GRAMD2B: variants seen among roughly 807,000 people sequenced by gnomAD.
GRAMD2B encodes GRAM domain-containing protein 2B.
In GRAMD2B, 41 loss-of-function variants were observed where a neutral mutation model predicts 59.2. The ratio of observed to expected loss-of-function variants is 0.69; its 90% CI spans 0.54 to 0.90. The LOEUF (loss-of-function observed/expected upper bound fraction) is 0.90, where lower values mean the gene tolerates loss of function less well. GRAMD2B is among the 40% of genes least tolerant of loss of function. GRAMD2B has a pLI of 0.00. For synonymous variants in GRAMD2B, 161 were observed against 182.7 expected, an observed-to-expected ratio of 0.88 and a Z score of 0.96; for missense variants, 424 against 500.5, an observed-to-expected ratio of 0.85 and a Z score of 1.46.
intron 1 of GRAMD2B, among the ~76,000 whole-genome samples, chr5:126,436,371 C>T (rs543365808): frequency 2.8e-4 from 43 of 152,206 alleles, no homozygotes; most frequent in Admixed American, 5.2e-4. Flanking sequence ...ACATTAGGCC[C>T]GGTGCGGTGA....
intron 8 of GRAMD2B, among the ~76,000 whole-genome samples, chr5:126,483,092 T>C (rs1772193175): frequency 6.6e-6 from 1 of 152,204 alleles, no homozygotes; most frequent in Non-Finnish European, 1.5e-5. Context: ...GAACTTGGAT[T>C]TAAAGCTTTC....
Position 126,409,717 on chromosome 5 carries a change from C to G in GRAMD2B, c.125+38150C>G, listed in dbSNP as rs373725383. Among the ~76,000 whole-genome samples, 203 of 152,178 alleles carry G rather than the reference C, an allele frequency of 1.3e-3. 5 individuals carry two copies. The East Asian group carries it at 0.037, about 28-fold the overall frequency. ...ACTAGATCCCATTTGTCAATTTTGGCTTTTGTTGCCATTGCTTTTGGTGTT... is the reference window on the plus strand; with the variant it reads ...ACTAGATCCCATTTGTCAATTTTGGGTTTTGTTGCCATTGCTTTTGGTGTT... On this transcript the variant is annotated intron_variant, in intron 1 of 8. Coordinates refer to the GRAMD2B transcript ENST00000506445.
intron 1 of GRAMD2B, among the ~76,000 whole-genome samples, chr5:126,453,860 G>A (rs1765799615): frequency 6.6e-6 from 1 of 152,154 alleles, no homozygotes; most frequent in South Asian, 2.1e-4. Context: ...TCATGAGGTA[G>A]GTTTTGAGAT....
At chr5:126,476,572 G>T (rs1393863127) in intron 5 of GRAMD2B, among the ~76,000 whole-genome samples, 1 of 152,168 alleles carries the variant, frequency 6.6e-6, no homozygotes, top group South Asian at 2.1e-4. Flanking sequence ...GTATTGAAAA[G>T]AACCCACATT....
In GRAMD2B at chr5:126,391,341, C is replaced by A. The variant is rs992034384; in HGVS notation, c.125+19774C>A. 4.5e-3 allele frequency among the ~76,000 whole-genome samples: 232 copies of A among 51,610 alleles called. 1 individual carries two copies. The highest frequency in any genetic ancestry group is 7.6e-3 in the Non-Finnish European group (157 of 20,712). 33.9% of individuals were successfully genotyped at this position (51,610 alleles called of 152,430 possible). A position where few individuals can be genotyped will look rare whatever the true frequency, so the allele number is the denominator to read the frequency against. On this transcript the variant is annotated intron_variant, in intron 1 of 8. Transcript: ENST00000506445. ...TCTCAAAAAAAAAAAAAAAAAAAAA[C>A]TTGTACACTGTTATTTGTCAGTTAT...
At chr5:126,386,881 G>T (rs183955855) in intron 1 of GRAMD2B, among the ~76,000 whole-genome samples, 1 of 152,264 alleles carries the variant, frequency 6.6e-6, no homozygotes, top group African/African-American at 2.4e-5. Flanking sequence ...TAGGTGAATT[G>T]TCACTGTAAA....
chr5:126,480,162 G>T, intron 6 of GRAMD2B: 1 of 303,128 alleles, frequency 3.3e-6, no homozygotes, highest in Non-Finnish European at 6.0e-6. Context: ...TTTCTTCTCT[G>T]GGCTTGTTTG....
intron 1 of GRAMD2B, among the ~76,000 whole-genome samples, chr5:126,364,319 A>C (rs1486526641): frequency 6.6e-6 from 1 of 152,198 alleles, no homozygotes; most frequent in Non-Finnish European, 1.5e-5. Flanking sequence ...ATTGCAAACT[A>C]TGGGGAGGAA....
intron 1 of GRAMD2B, among the ~76,000 whole-genome samples, chr5:126,365,718 T>C (rs1012730502): frequency 5.3e-5 from 8 of 151,968 alleles, no homozygotes; most frequent in African/African-American, 1.7e-4. Context: ...TTTTTTTTTT[T>C]CCTGGAAAAC....
Position 126,485,788 on chromosome 5 carries a change from T to C in GRAMD2B, c.1058+15T>C. On this transcript the variant is annotated intron_variant, in intron 11 of 13. Transcript: ENST00000285689. ...TATGCAATTGTGTAAGTACATGAATTTACTGTGAGTGACTAAGAAAATGAT... is the reference window on the plus strand; with the variant it reads ...TATGCAATTGTGTAAGTACATGAATCTACTGTGAGTGACTAAGAAAATGAT... 6.9e-7 allele frequency: 1 copy of C among 1,456,678 alleles called. No homozygotes were observed. Among genetic ancestry groups the C allele is most frequent in the Non-Finnish European group, 9.6e-7 (1 of 1,044,748 alleles). The allele number at this position is 1,456,678 out of a possible 1,614,324, so 90.2% of individuals were successfully genotyped here.
intron 1 of GRAMD2B, among the ~76,000 whole-genome samples, chr5:126,392,215 C>T (rs1756873927): frequency 2.0e-5 from 3 of 152,112 alleles, no homozygotes; most frequent in Non-Finnish European, 4.4e-5. Context: ...TCCCCAAGAC[C>T]AGCCACACTC....
At chr5:126,455,104 C>T (rs1439671894) in intron 1 of GRAMD2B, among the ~76,000 whole-genome samples, 1 of 152,152 alleles carries the variant, frequency 6.6e-6, no homozygotes, top group Non-Finnish European at 1.5e-5. Context: ...CCAATGTTGT[C>T]TCTGGATTTT....
chr5:126,458,892 A>T (rs1043055103), intron 1 of GRAMD2B: 5 of 152,202 alleles, frequency 3.3e-5, no homozygotes, highest in African/African-American at 1.2e-4. Flanking sequence ...TCCCCCGTTG[A>T]TGCCTATATT....
rs1327989963 is a variant in GRAMD2B at position 126,493,689 on chromosome 5, T to G, written c.*733T>G. ...ATGTGACTGAAGTACTAAATTAAAC[T>G]TATTTTGAAACCAAACCTAATTTTT... On this transcript the variant is annotated 3_prime_UTR_variant, in exon 14 of 14. Coordinates refer to ENST00000285689, the MANE Select transcript of GRAMD2B (RefSeq NM_023927.4). 2.0e-5 allele frequency: 3 copies of G among 152,282 alleles called. No homozygotes were observed. Among genetic ancestry groups the G allele is most frequent in the African/African-American group, 7.2e-5 (3 of 41,450 alleles). 9.4% of individuals were successfully genotyped at this position (152,282 alleles called of 1,614,324 possible). A position where few individuals can be genotyped will look rare whatever the true frequency, so the allele number is the denominator to read the frequency against.
chr5:126,433,538 A>G (rs1761926194), intron 1 of GRAMD2B: 2 of 152,248 alleles, frequency 1.3e-5, no homozygotes, highest in Admixed American at 6.5e-5. Flanking sequence ...AGAATTTCTA[A>G]TGTTCTGTAG....
chr5:126,368,203 T>C (rs1291631670), upstream of GRAMD2B, among the ~76,000 whole-genome samples: 1 of 152,232 alleles, frequency 6.6e-6, no homozygotes, highest in African/African-American at 2.4e-5. Context: ...AAACGTCCTA[T>C]TCCAGTTGTT....
At chr5:126,400,930 G>A (rs1757779325) in intron 1 of GRAMD2B, among the ~76,000 whole-genome samples, 1 of 152,040 alleles carries the variant, frequency 6.6e-6, no homozygotes, top group Non-Finnish European at 1.5e-5. Flanking sequence ...TCTTCAGGTT[G>A]ATCCCGTTTG....
At chr5:126,377,974 G>A (rs1464808839) in intron 1 of GRAMD2B, among the ~76,000 whole-genome samples, 1 of 151,862 alleles carries the variant, frequency 6.6e-6, no homozygotes, top group Non-Finnish European at 1.5e-5. Context: ...TCTCCTATTA[G>A]GACTATATAC....
chr5:126,449,319 C>T (rs1184708398), intron 1 of GRAMD2B, among the ~76,000 whole-genome samples: 2 of 152,086 alleles, frequency 1.3e-5, no homozygotes, highest in African/African-American at 4.8e-5. Context: ...ACAATTATTC[C>T]ATATCTTGAT....
Sources: gnomAD v4.1 joint callset for allele counts (sites outside exome capture counted in the v4.1 genomes callset) on GRCh38, gnomAD v4.1.1 for gene constraint, MANE v1.5 for transcripts, NCBI Gene and HGNC (gene_info 2026-07-23, HGNC 2026-07-21) for gene names.